The following ERO1B variants were observed in gnomAD, a reference collection of about 807,000 sequenced individuals.
The protein encoded by ERO1B is ERO1-like protein beta.
In ERO1B, 49 loss-of-function variants were observed where a neutral mutation model predicts 75.3. That is an observed-to-expected ratio of 0.65 (90% CI 0.52 to 0.83). The LOEUF is 0.83. Among genes scored for constraint, ERO1B ranks in the 40% least tolerant of loss-of-function variants. The pLI is 0.00. For missense variants in ERO1B, 512 were observed against 560.1 expected (o/e 0.91, Z 0.87); for synonymous variants, 191 against 192.9 (o/e 0.99, Z 0.08).
At chr1:236,247,994 C>T (rs1452634855) in intron 5 of ERO1B, among the ~76,000 whole-genome samples, 1 of 152,188 alleles carries the variant, frequency 6.6e-6, no homozygotes, top group African/African-American at 2.4e-5. Flanking sequence ...TTCTTCCCTG[C>T]CTGTCTTCCC....
intron 2 of ERO1B, among the ~76,000 whole-genome samples, chr1:236,266,089 TTG>T: frequency 6.6e-6 from 1 of 152,346 alleles, no homozygotes; most frequent in Middle Eastern, 3.4e-3. Context: ...TGTTTATTGT[TTG>T]TCTCTCTTAT....
chr1:236,251,388 G>A, intron 4 of ERO1B: 1 of 494,132 alleles, frequency 2.0e-6, no homozygotes, highest in Non-Finnish European at 2.6e-6. Context: ...ATGGCTGAGG[G>A]GGTTTCAACT....
chr1:236,250,637 C>CATAT (rs199794022), intron 4 of ERO1B, among the ~76,000 whole-genome samples: 49 of 115,956 alleles, frequency 4.2e-4, no homozygotes, highest in East Asian at 1.8e-3. Flanking sequence ...TGTGTGCAAA[C>CATAT]ATATATATAT....
chr1:236,268,036 G>A (rs1665490707), intron 2 of ERO1B: 2 of 151,992 alleles, frequency 1.3e-5, no homozygotes, highest in South Asian at 2.1e-4. Context: ...ACACTCAATA[G>A]TCTATTTAGG....
chr1:236,228,442 C>T (rs1351371014), intron 10 of ERO1B, among the ~76,000 whole-genome samples: 1 of 152,182 alleles, frequency 6.6e-6, no homozygotes, highest in African/African-American at 2.4e-5. Flanking sequence ...TGGATGGTAT[C>T]TTTAATTACC....
Position 236,216,835 on chromosome 1 carries a change from T to C in ERO1B, c.*1681A>G. 1 of 151,694 alleles carries C rather than the reference T, an allele frequency of 6.6e-6. No homozygotes were observed. The highest frequency in any genetic ancestry group is 1.9e-4 in the East Asian group (1 of 5,190). The allele number at this position is 151,694 out of a possible 1,614,324, so 9.4% of individuals were successfully genotyped here. The stretch of plus-strand genomic sequence containing the variant: ...AGTTAAATTAATTGGATAGTCACTT[T>C]TTAGACAGTTTGCCTTAAGGCCCCC... On this transcript the variant is annotated 3_prime_UTR_variant, in exon 16 of 16. Transcript: ENST00000354619.
intron 6 of ERO1B, 56 bp downstream of exon 6, chr1:236,243,366 G>T: frequency 8.4e-7 from 1 of 1,196,528 alleles, no homozygotes; most frequent in Non-Finnish European, 1.2e-6. Context: ...TGATTAAAAT[G>T]TCTTATAAAA....
At chr1:236,250,618 T>TATAA (rs1491338079) in intron 4 of ERO1B, among the ~76,000 whole-genome samples, 1 of 110,236 alleles carries the variant, frequency 9.1e-6, no homozygotes, top group African/African-American at 3.4e-5. Flanking sequence ...TATATATATA[T>TATAA]CAAACGTGTG....
At chr1:236,230,177 A>G in intron 10 of ERO1B, 47 bp downstream of exon 10, 1 of 1,418,372 alleles carries the variant, frequency 7.1e-7, no homozygotes, top group Non-Finnish European at 9.8e-7. Context: ...TAAATAAATC[A>G]GTATTTTTTA....
chr1:236,262,283 T>A (rs1405173562), intron 2 of ERO1B, among the ~76,000 whole-genome samples: 5 of 152,196 alleles, frequency 3.3e-5, no homozygotes, highest in Admixed American at 3.3e-4. Flanking sequence ...AACTGGATAT[T>A]CACATTCACA....
At chr1:236,244,822 C>G (rs1664800414) in intron 5 of ERO1B, among the ~76,000 whole-genome samples, 1 of 150,926 alleles carries the variant, frequency 6.6e-6, no homozygotes, top group South Asian at 2.1e-4. Context: ...TTCAGCTTTT[C>G]CAAATGTCAG....
intron 6 of ERO1B, among the ~76,000 whole-genome samples, chr1:236,237,143 G>A (rs1317145688): frequency 1.2e-4 from 14 of 114,836 alleles, no homozygotes; most frequent in Non-Finnish European, 1.7e-4. Flanking sequence ...TTTTTGAGAC[G>A]GAGTCTCACT....
rs1383424235 is a variant in ERO1B, at chr1:236,216,131, T to TA, written c.*2384dup. The TA allele has an allele frequency of 1.3e-5, 2 of 152,140 alleles. No homozygotes were observed. The highest frequency in any genetic ancestry group is 2.9e-5 in the Non-Finnish European group (2 of 67,996). 9.4% of individuals were successfully genotyped at this position (152,140 alleles called of 1,614,324 possible). A position where few individuals can be genotyped will look rare whatever the true frequency, so the allele number is the denominator to read the frequency against. On this transcript the variant is annotated 3_prime_UTR_variant, in exon 16 of 16. Transcript: ENST00000354619. ...ATGCCACTTAAGTAAAAAATAAACT[T>TA]ACGCCATTGAAGGAAGGAATATTTT...
intron 2 of ERO1B, among the ~76,000 whole-genome samples, chr1:236,266,036 A>G (rs930456044): frequency 6.6e-6 from 1 of 152,172 alleles, no homozygotes; most frequent in Non-Finnish European, 1.5e-5. Flanking sequence ...TTCTCCATAG[A>G]ATTTACCTTA....
chr1:236,261,792 C>T (rs1031351249), intron 2 of ERO1B, among the ~76,000 whole-genome samples: 2 of 152,056 alleles, frequency 1.3e-5, no homozygotes, highest in Non-Finnish European at 2.9e-5. Flanking sequence ...AACAATACGG[C>T]CAGACACAGC....
At chr1:236,239,869 ATGTG>A (rs1572042435) in intron 6 of ERO1B, among the ~76,000 whole-genome samples, 5 of 64,984 alleles carry the variant, frequency 7.7e-5, no homozygotes, top group East Asian at 2.9e-3. Context: ...GTATATATAT[ATGTG>A]TATATGTGTG....
chr1:236,266,185 A>C (rs1665431169), intron 2 of ERO1B, among the ~76,000 whole-genome samples: 1 of 152,262 alleles, frequency 6.6e-6, no homozygotes, highest in Admixed American at 6.5e-5. Flanking sequence ...TGCATAAAGG[A>C]AAGGAATAAG....
At chr1:236,221,570 C>T (rs1323484846) in intron 14 of ERO1B, among the ~76,000 whole-genome samples, 2 of 152,148 alleles carry the variant, frequency 1.3e-5, no homozygotes, top group Non-Finnish European at 2.9e-5. Context: ...ATGACCAAGA[C>T]TTCATATTTC....
At chr1:236,281,601 C>A in intron 1 of ERO1B, 81 bp downstream of exon 1, 1 of 1,080,318 alleles carries the variant, frequency 9.3e-7, no homozygotes, top group Non-Finnish European at 1.2e-6. Flanking sequence ...CCCGGCCCTC[C>A]CCGCGTCACA....
Sources: allele counts gnomAD v4.1 joint callset (sites outside exome capture counted in the v4.1 genomes callset), GRCh38; gene constraint gnomAD v4.1.1; transcripts MANE v1.5; gene names NCBI Gene and HGNC (gene_info 2026-07-23, HGNC 2026-07-21).